The following CTSL variants were observed in gnomAD, a reference collection of about 807,000 sequenced individuals.
The protein encoded by CTSL is cathepsin L.
A neutral mutation model predicts 34.7 loss-of-function variants in CTSL; 23 were observed. That is an observed-to-expected ratio of 0.66 (90% CI 0.48 to 0.94). The LOEUF (loss-of-function observed/expected upper bound fraction) is 0.94. Ranked by LOEUF, CTSL falls within the 40% of genes least tolerant of loss-of-function variation. The pLI is 0.00. For synonymous variants in CTSL, 129 were observed against 136.7 expected (o/e 0.94, Z 0.39); for missense variants, 361 against 406.3 (o/e 0.89, Z 0.96).
Position 87,730,468 on chromosome 9 carries a change from A to G in CTSL, c.872A>G (p.Asp291Gly). The stretch of plus-strand genomic sequence containing the variant: ...TACGGATTTGAAAGCACAGAATCAG[A>G]TAACAATAAATATTGGCTGGTGAAG... Reference protein sequence around the residue: ...VGYGFESTESDNNKYWLVKNS... With the variant: ...VGYGFESTESGNNKYWLVKNS... The change falls in exon 7 of 8, where the codon GAT (aspartate) becomes GGT (glycine). Residue 291 changes from aspartate to glycine, a missense_variant. Transcript: ENST00000343150. The G allele has an allele frequency of 6.2e-7, 1 of 1,612,222 alleles. No homozygotes were observed. Among genetic ancestry groups the G allele is most frequent in the South Asian group, 1.1e-5 (1 of 90,760 alleles).
At chr9:87,727,972 G>C in intron 2 of CTSL, 55 bp from the exon 3 acceptor site, 1 of 1,606,692 alleles carries the variant, frequency 6.2e-7, no homozygotes, top group Non-Finnish European at 8.5e-7. Context: ...ACTTGGTGAG[G>C]ATGAGTTGGG....
chr9:87,730,468 A>T lies in CTSL; in HGVS notation c.872A>T (p.Asp291Val). ...VGYGFESTES[D>V]NNKYWLVKNS... The stretch of plus-strand genomic sequence containing the variant: ...TACGGATTTGAAAGCACAGAATCAG[A>T]TAACAATAAATATTGGCTGGTGAAG... The change falls in exon 7 of 8, where the codon GAT becomes GTT. Residue 291 changes from aspartate (D) to valine (V), a missense_variant. Transcript: ENST00000343150. 3 of 1,612,222 alleles carry T rather than the reference A, an allele frequency of 1.9e-6. No individual in the cohort carries two copies. The highest frequency in any genetic ancestry group is 1.7e-6 in the Non-Finnish European group (2 of 1,179,128).
intron 1 of CTSL, among the ~76,000 whole-genome samples, chr9:87,726,996 G>A: frequency 6.6e-6 from 1 of 151,882 alleles, no homozygotes; most frequent in Non-Finnish European, 1.5e-5. Flanking sequence ...CCGATATCGC[G>A]CCGTTGAACT....
intron 5 of CTSL, 130 bp from the exon 6 acceptor site, chr9:87,729,443 G>T: frequency 1.3e-6 from 1 of 745,348 alleles, no homozygotes; most frequent in East Asian, 2.8e-5. Flanking sequence ...TTCACTTCCT[G>T]GGATGATTTA....
At position 87,728,638 on chromosome 9, in the gene CTSL, G is replaced by T. The variant is rs772325261; in HGVS notation, c.450G>T (p.Gln150His). 1.9e-6 allele frequency: 3 copies of T among 1,614,006 alleles called. No individual in the cohort carries two copies. In the African/African-American group the frequency reaches 4.0e-5, roughly 22 times the overall value. ...AFSATGALEG[Q>H]MFRKTGRLIS... is the part of the protein sequence containing the mutation. ...GTGCTACTGGTGCTCTTGAAGGACA[G>T]ATGTTCCGGAAAACTGGGAGGCTTA... Residue 150 changes from glutamine to histidine, a missense_variant, in exon 5 of 8, where the codon CAG (glutamine) becomes CAT (histidine). Physicochemically the swap from Gln to His is conservative, Grantham distance 24 (BLOSUM62 0). Coordinates refer to ENST00000343150, the MANE Select transcript of CTSL (RefSeq NM_001912.5).
At position 87,727,688 on chromosome 9, in the gene CTSL, T is replaced by A. The variant is rs756610488; in HGVS notation, c.85T>A (p.Trp29Arg). ...LTFDHSLEAQWTKWKAMHNRL... is the reference protein window; with the variant it reads ...LTFDHSLEAQRTKWKAMHNRL... ...ATTTGATCACAGTTTAGAGGCACAG[T>A]GGACCAAGTGGAAGGCGATGCACAA... The change falls in exon 2 of 8, where the codon TGG becomes AGG. Residue 29 changes from tryptophan (W) to arginine (R), a missense_variant. Transcript: ENST00000343150. 3.7e-6 allele frequency: 6 copies of A among 1,614,124 alleles called. No individual in the cohort carries two copies.
chr9:87,728,924 G>C, intron 5 of CTSL, 115 bp downstream of exon 5: 1 of 1,523,890 alleles, frequency 6.6e-7, no homozygotes, highest in Non-Finnish European at 8.8e-7. Flanking sequence ...GGTGGCTCAC[G>C]CCTGTAATCC....
rs1266129216 is a variant in CTSL at position 87,731,217 on chromosome 9, G to A, written c.*110G>A. 10 of 660,100 alleles carry A rather than the reference G, an allele frequency of 1.5e-5. No individual in the cohort carries two copies. Among genetic ancestry groups the A allele is most frequent in the Non-Finnish European group, 2.3e-5 (9 of 385,406 alleles). 40.9% of individuals were successfully genotyped at this position (660,100 alleles called of 1,614,324 possible). On this transcript the variant is annotated 3_prime_UTR_variant, in exon 8 of 8. Transcript: ENST00000343150. ...GTGTCGGATACACACTCGAATCATT[G>A]AAGATCCGAGTGTGATTTGAATTCT...
At chr9:87,730,946 C>T (rs539366018) in intron 7 of CTSL, 62 bp from the exon 8 acceptor site, 5 of 1,362,644 alleles carry the variant, frequency 3.7e-6, no homozygotes, top group Non-Finnish European at 5.2e-6. Context: ...GTTGGGTGTT[C>T]CTGTTAATAA....
At position 87,728,601 on chromosome 9, in the gene CTSL, G is replaced by C; in HGVS notation, c.413G>C (p.Cys138Ser). Residue 138 changes from cysteine (C) to serine (S), a missense_variant, in exon 5 of 8, where the codon TGT (cysteine) becomes TCT (serine). Physicochemically the swap from Cys to Ser is moderately radical, Grantham distance 112. Transcript: ENST00000343150. Reference protein sequence around the residue: ...PVKNQGQCGSCWAFSATGALE... With the variant: ...PVKNQGQCGSSWAFSATGALE... ...CCTTTTCAGGGTCAGTGTGGTTCTT[G>C]TTGGGCTTTTAGTGCTACTGGTGCT... 6.2e-7 allele frequency: 1 copy of C among 1,613,902 alleles called. No homozygotes were observed.
intron 7 of CTSL, among the ~76,000 whole-genome samples, 158 bp from the exon 8 acceptor site, chr9:87,730,850 A>T (rs1484835128): frequency 2.6e-5 from 4 of 152,326 alleles, no homozygotes; most frequent in African/African-American, 9.6e-5. Flanking sequence ...TGTCCAGGTT[A>T]TGTCAAGAAT....
intron 6 of CTSL, 73 bp downstream of exon 6, chr9:87,729,808 G>GT: frequency 2.0e-6 from 3 of 1,467,832 alleles, no homozygotes; most frequent in Non-Finnish European, 2.8e-6. Flanking sequence ...ATAGACTCTG[G>GT]TTTGCAAGTA....
At position 87,728,062 on chromosome 9, in the gene CTSL, G is replaced by A; in HGVS notation, c.162G>A (p.Lys54=). 1 of 1,613,978 alleles carries A rather than the reference G, an allele frequency of 6.2e-7. No homozygotes were observed. Among genetic ancestry groups the A allele is most frequent in the Non-Finnish European group, 8.5e-7 (1 of 1,179,904 alleles). Residue 54 remains lysine (K), a synonymous_variant, in exon 3 of 8, where the codon AAG becomes AAA. Transcript: ENST00000343150. ...GATGGAGGAGAGCAGTGTGGGAGAA[G>A]AACATGAAGATGATTGAACTGCACA... The part of the protein sequence containing the change: ...EEGWRRAVWE[K]NMKMIELHNQ...
At chr9:87,727,870 T>C in intron 2 of CTSL, 141 bp downstream of exon 2, 1 of 1,402,776 alleles carries the variant, frequency 7.1e-7, no homozygotes. Flanking sequence ...TGGACATTCA[T>C]CCTTGTTGTG....
intron 1 of CTSL, among the ~76,000 whole-genome samples, chr9:87,726,624 C>G (rs923828701): frequency 3.3e-5 from 5 of 152,216 alleles, no homozygotes; most frequent in African/African-American, 1.2e-4. Context: ...GCCATATGAC[C>G]CCGTCCCTGA....
intron 2 of CTSL, 86 bp from the exon 3 acceptor site, chr9:87,727,941 T>C: frequency 1.3e-6 from 2 of 1,580,640 alleles, no homozygotes; most frequent in Non-Finnish European, 1.7e-6. Flanking sequence ...TGGTTTCTCT[T>C]CCATCTCTGT....
rs967550138 is a variant in CTSL at position 87,730,589 on chromosome 9, G to T, written c.902+91G>T. On this transcript the variant is annotated intron_variant, in intron 7 of 7. Transcript: ENST00000343150. Reference sequence around the variant, plus strand: ...TGGATACAGTTCCACATGCCCTTAGGCATACTTCTGAAATCCCCAGAAGTC... The same window carrying T: ...TGGATACAGTTCCACATGCCCTTAGTCATACTTCTGAAATCCCCAGAAGTC... 9.5e-6 allele frequency: 8 copies of T among 844,754 alleles called. No individual in the cohort carries two copies. In the African/African-American group the frequency reaches 1.2e-4, roughly 13 times the overall value. The allele number at this position is 844,754 out of a possible 1,614,324, so 52.3% of individuals were successfully genotyped here. A position where few individuals can be genotyped will look rare whatever the true frequency, so the allele number is the denominator to read the frequency against.
chr9:87,731,057 C>T lies in CTSL; in HGVS notation c.952C>T (p.Arg318Trp), dbSNP rs1040871888. 8.7e-6 allele frequency: 14 copies of T among 1,613,850 alleles called. No individual in the cohort carries two copies. The African/African-American group carries it at 1.5e-4, about 17-fold the overall frequency. Residue 318 changes from arginine (R) to tryptophan (W), a missense_variant, in exon 8 of 8, where the codon CGG becomes TGG. Arg to Trp is a moderately radical substitution (Grantham distance 101). Transcript: ENST00000343150. ...MGGYVKMAKD[R>W]RNHCGIASAA... Reference sequence around the variant, plus strand: ...TGGCTACGTAAAGATGGCCAAAGACCGGAGAAACCATTGTGGAATTGCCTC... The same window carrying T: ...TGGCTACGTAAAGATGGCCAAAGACTGGAGAAACCATTGTGGAATTGCCTC...
At chr9:87,729,230 A>G (rs1234053166) in intron 5 of CTSL, among the ~76,000 whole-genome samples, 2 of 152,084 alleles carry the variant, frequency 1.3e-5, no homozygotes, top group Admixed American at 6.5e-5. Flanking sequence ...CAGTACTGTC[A>G]TTATAAATTA....
Sources: allele counts gnomAD v4.1 joint callset (sites outside exome capture counted in the v4.1 genomes callset), GRCh38; gene constraint gnomAD v4.1.1; transcripts MANE v1.5; gene names NCBI Gene and HGNC (gene_info 2026-07-23, HGNC 2026-07-21).